MED13L: variants seen among roughly 807,000 people sequenced by gnomAD.
MED13L encodes mediator of RNA polymerase II transcription subunit 13-like.
Under a neutral mutation model 220.9 loss-of-function variants are expected in MED13L, and 7 were observed. The observed-to-expected ratio is 0.03, with a 90% confidence interval of 0.02 to 0.06. The LOEUF (loss-of-function observed/expected upper bound fraction) is 0.06, where lower values mean the gene tolerates loss of function less well. Ranked by LOEUF, MED13L falls within the 10% of genes least tolerant of loss-of-function variation. The pLI is 1.00. For synonymous variants in MED13L, 1,011 were observed against 1,015.2 expected, an observed-to-expected ratio of 1.00 and a Z score of 0.08; for missense variants, 1,965 against 2,760.5, an observed-to-expected ratio of 0.71 and a Z score of 6.46.
chr12:115,971,965 C>A, intron 26 of MED13L, 113 bp downstream of exon 26: 3 of 1,231,600 alleles, frequency 2.4e-6, no homozygotes, highest in Non-Finnish European at 3.5e-6. Flanking sequence ...CAAATACAAT[C>A]TTCCCTTATA....
intron 13 of MED13L, 26 bp from the exon 14 acceptor site, chr12:116,003,128 CAG>C: frequency 1.9e-6 from 3 of 1,587,824 alleles, no homozygotes; most frequent in African/African-American, 1.3e-5. Flanking sequence ...GTTATTAAAA[CAG>C]AGTGACGTGT....
chr12:116,037,315 T>C (rs1881250995), intron 4 of MED13L, among the ~76,000 whole-genome samples: 1 of 152,218 alleles, frequency 6.6e-6, no homozygotes, highest in African/African-American at 2.4e-5. Flanking sequence ...ACAGTCAAAA[T>C]GCAGTCAAAA....
chr12:116,020,336 A>T (rs781205423), intron 5 of MED13L, among the ~76,000 whole-genome samples: 1 of 152,208 alleles, frequency 6.6e-6, no homozygotes, highest in African/African-American at 2.4e-5. Context: ...GTTATCAGAC[A>T]GCTATGCTTT....
rs768911549 is a variant in MED13L, at chr12:115,968,991, G to A, written c.6174C>T (p.Ser2058=). ...HSSPNSSPVP[S]PGSPSGIGVG... ...CACCAATTCCAGAAGGAGAGCCTGG[G>A]GAGGGTACTGGGGAAGAGTTGGGAG... Residue 2058 remains serine, a synonymous_variant, in exon 28 of 31, where the codon TCC becomes TCT. Coordinates refer to ENST00000281928, the MANE Select transcript of MED13L (RefSeq NM_015335.5). 2 of 1,614,110 alleles carry A rather than the reference G, an allele frequency of 1.2e-6. No homozygotes were observed. Among genetic ancestry groups the A allele is most frequent in the African/African-American group, 2.7e-5 (2 of 75,030 alleles).
At chr12:116,250,609 C>CAA (rs560814737) in intron 1 of MED13L, among the ~76,000 whole-genome samples, 22 of 70,260 alleles carry the variant, frequency 3.1e-4, no homozygotes, top group Middle Eastern at 8.5e-3. Context: ...ACTAAAAATA[C>CAA]AAAAAAAAAA....
chr12:116,139,385 AAAG>A (rs934633229), intron 2 of MED13L, among the ~76,000 whole-genome samples: 2 of 152,166 alleles, frequency 1.3e-5, no homozygotes, highest in Non-Finnish European at 2.9e-5. Flanking sequence ...TTCTTTTTTC[AAAG>A]AAGGGTATCA....
chr12:116,161,986 A>G (rs542697166), intron 2 of MED13L, among the ~76,000 whole-genome samples: 1 of 152,308 alleles, frequency 6.6e-6, no homozygotes, highest in African/African-American at 2.4e-5. Flanking sequence ...ACGATCTTGT[A>G]TAACTGACAA....
intron 2 of MED13L, among the ~76,000 whole-genome samples, chr12:116,145,159 T>C (rs905110797): frequency 3.3e-5 from 5 of 152,198 alleles, no homozygotes; most frequent in Non-Finnish European, 7.3e-5. Context: ...CCACCTACCA[T>C]CTATTGTTTG....
chr12:116,207,769 T>C (rs1042045332), intron 2 of MED13L, among the ~76,000 whole-genome samples: 2 of 151,958 alleles, frequency 1.3e-5, no homozygotes, highest in African/African-American at 4.8e-5. Context: ...CTATGTAATT[T>C]ATGTTTTAAA....
chr12:116,127,043 A>T (rs1875647280), intron 2 of MED13L, among the ~76,000 whole-genome samples: 1 of 152,238 alleles, frequency 6.6e-6, no homozygotes, highest in Admixed American at 6.5e-5. Context: ...CTTTTGAAAC[A>T]TAGGCTATCA....
chr12:116,188,422 T>C (rs1056441659), intron 2 of MED13L, among the ~76,000 whole-genome samples: 2 of 152,092 alleles, frequency 1.3e-5, no homozygotes, highest in African/African-American at 2.4e-5. Flanking sequence ...TACCCAGCAA[T>C]ATATACAAAT....
intron 4 of MED13L, among the ~76,000 whole-genome samples, chr12:116,028,219 T>C (rs185838369): frequency 9.8e-5 from 15 of 152,294 alleles, no homozygotes; most frequent in African/African-American, 2.6e-4. Context: ...AGAATGAACA[T>C]TGAAGATAAG....
At chr12:116,225,199 A>G (rs2138409671) in intron 2 of MED13L, among the ~76,000 whole-genome samples, 1 of 152,338 alleles carries the variant, frequency 6.6e-6, no homozygotes, top group South Asian at 2.1e-4. Flanking sequence ...AAATAGATAT[A>G]TCTGTGTATA....
chr12:116,224,338 C>T (rs528447747), intron 2 of MED13L, among the ~76,000 whole-genome samples: 1 of 152,316 alleles, frequency 6.6e-6, no homozygotes, highest in African/African-American at 2.4e-5. Context: ...CTTGTCCTGA[C>T]ATAGCCATGT....
intron 28 of MED13L, among the ~76,000 whole-genome samples, 156 bp from the exon 29 acceptor site, chr12:115,966,399 A>C (rs960692545): frequency 5.3e-5 from 8 of 152,244 alleles, no homozygotes; most frequent in African/African-American, 1.7e-4. Flanking sequence ...AAGCGGGGCC[A>C]GCATCGTCTT....
chr12:116,091,263 T>G (rs1045044813), intron 4 of MED13L, among the ~76,000 whole-genome samples: 1 of 152,110 alleles, frequency 6.6e-6, no homozygotes, highest in Non-Finnish European at 1.5e-5. Context: ...ATATTTTACT[T>G]TAAAGTGTAA....
At chr12:116,066,456 G>GA in intron 4 of MED13L, among the ~76,000 whole-genome samples, 2 of 152,184 alleles carry the variant, frequency 1.3e-5, no homozygotes, top group East Asian at 1.9e-4. Flanking sequence ...AGCCTTGCTT[G>GA]AAAAATGCTG....
chr12:116,039,988 C>T (rs1434026032), intron 4 of MED13L, among the ~76,000 whole-genome samples: 1 of 152,178 alleles, frequency 6.6e-6, no homozygotes, highest in African/African-American at 2.4e-5. Context: ...CAGAAAGCGA[C>T]ATGGCTCAAC....
chr12:116,150,187 C>A (rs1322123961), intron 2 of MED13L, among the ~76,000 whole-genome samples: 2 of 152,162 alleles, frequency 1.3e-5, no homozygotes, highest in Non-Finnish European at 2.9e-5. Context: ...TGGCCCTAAG[C>A]CAAATCTCTT....
Sources: allele counts gnomAD v4.1 joint callset (sites outside exome capture counted in the v4.1 genomes callset), GRCh38; gene constraint gnomAD v4.1.1; transcripts MANE v1.5; gene names NCBI Gene and HGNC (gene_info 2026-07-23, HGNC 2026-07-21).